Variants in BTC observed in about 807,000 individuals in gnomAD.
BTC encodes betacellulin, also known as probetacellulin.
In BTC, 13 loss-of-function variants were observed where a neutral mutation model predicts 18.1. The ratio of observed to expected loss-of-function variants is 0.72; its 90% CI spans 0.47 to 1.14. The LOEUF (loss-of-function observed/expected upper bound fraction) is 1.14. Ranked by LOEUF, BTC falls within the 50% of genes most tolerant of loss-of-function variation. The pLI is 0.00. For synonymous variants in BTC, 83 were observed against 79.4 expected, an observed-to-expected ratio of 1.05 and a Z score of -0.24; for missense variants, 247 against 224.2, an observed-to-expected ratio of 1.10 and a Z score of -0.65.
chr4:74,791,969 TCACACA>T lies in BTC; in HGVS notation c.64+2287_64+2292del, dbSNP rs3087019. On this transcript the variant is annotated intron_variant, in intron 1 of 5. Transcript: ENST00000395743. ...CCACTCTCATCGCATTTCCACCATC[TCACACA>T]CACACACACACACACACACACACAC... Among the ~76,000 whole-genome samples the T allele has an allele frequency of 2.6e-3, 345 of 134,244 alleles. 3 individuals carry two copies. Among genetic ancestry groups the T allele is most frequent in the African/African-American group, 8.7e-3 (301 of 34,684 alleles). 88.1% of individuals were successfully genotyped at this position (134,244 alleles called of 152,430 possible). A position where few individuals can be genotyped will look rare whatever the true frequency, so the allele number is the denominator to read the frequency against.
chr4:74,754,597 A>G (rs1724548277), intron 3 of BTC, among the ~76,000 whole-genome samples: 1 of 152,224 alleles, frequency 6.6e-6, no homozygotes, highest in Non-Finnish European at 1.5e-5. Context: ...ATAATAAATC[A>G]TGAAATGAAA....
At position 74,783,587 on chromosome 4, in the gene BTC, C is replaced by CTTTT. The variant is rs71220728; in HGVS notation, c.64+10671_64+10674dup. ...GGGAATGTGCTGGGGCTATTCGGCT[C>CTTTT]TTTTTTTTTTTTTTTTTTTTTGGTA... On this transcript the variant is annotated intron_variant, in intron 1 of 5. Transcript: ENST00000395743. Among the ~76,000 whole-genome samples the CTTTT allele has an allele frequency of 1.6e-3, 136 of 83,372 alleles. 2 individuals carry two copies. Among genetic ancestry groups the CTTTT allele is most frequent in the African/African-American group, 4.7e-3 (105 of 22,192 alleles). The allele number at this position is 83,372 out of a possible 152,430, so 54.7% of individuals were successfully genotyped here.
chr4:74,767,876 C>A (rs1471803275), intron 2 of BTC, among the ~76,000 whole-genome samples: 1 of 152,024 alleles, frequency 6.6e-6, no homozygotes, highest in East Asian at 1.9e-4. Context: ...ATACAAAAAT[C>A]AACTCAAAAT....
chr4:74,776,328 A>G (rs532178248), intron 1 of BTC, among the ~76,000 whole-genome samples: 2 of 152,222 alleles, frequency 1.3e-5, no homozygotes, highest in East Asian at 3.9e-4. Flanking sequence ...GGACCTGAAG[A>G]ATTTCTCAGG....
chr4:74,757,906 G>A (rs1419024896), intron 2 of BTC, among the ~76,000 whole-genome samples: 2 of 152,180 alleles, frequency 1.3e-5, no homozygotes, highest in African/African-American at 2.4e-5. Context: ...GTTGAGAGGT[G>A]CAGATACAAA....
chr4:74,748,201 A>T, intron 4 of BTC, 52 bp from the exon 5 acceptor site: 1 of 1,095,002 alleles, frequency 9.1e-7, no homozygotes, highest in Non-Finnish European at 1.3e-6. Flanking sequence ...TCATGCGAAC[A>T]CAAAATTATC....
intron 2 of BTC, among the ~76,000 whole-genome samples, chr4:74,767,702 T>C (rs1724936472): frequency 6.6e-6 from 1 of 152,046 alleles, no homozygotes; most frequent in Admixed American, 6.6e-5. Flanking sequence ...TAAAGACCAA[T>C]AGAACAGAAT....
intron 1 of BTC, among the ~76,000 whole-genome samples, chr4:74,781,588 G>T (rs908357701): frequency 6.6e-6 from 1 of 151,798 alleles, no homozygotes; most frequent in African/African-American, 2.4e-5. Context: ...CACCCCCATT[G>T]TTGGCTTCCT....
intron 1 of BTC, among the ~76,000 whole-genome samples, chr4:74,770,687 C>T (rs569797241): frequency 5.9e-5 from 9 of 152,036 alleles, no homozygotes; most frequent in Admixed American, 4.6e-4. Context: ...ACATGTTTTA[C>T]GAGGGAGAGA....
chr4:74,769,595 A>C (rs750917931), intron 2 of BTC, among the ~76,000 whole-genome samples: 3 of 152,326 alleles, frequency 2.0e-5, no homozygotes, highest in Non-Finnish European at 4.4e-5. Context: ...AAGCATCTCC[A>C]AGGTAAAATA....
At chr4:74,770,371 A>T (rs980830660) in intron 1 of BTC, among the ~76,000 whole-genome samples, 1 of 152,326 alleles carries the variant, frequency 6.6e-6, no homozygotes, top group East Asian at 1.9e-4. Context: ...ACCATCACTT[A>T]TATCTAACTA....
At chr4:74,792,751 T>C (rs183986086) in intron 1 of BTC, among the ~76,000 whole-genome samples, 5 of 152,326 alleles carry the variant, frequency 3.3e-5, no homozygotes, top group African/African-American at 1.2e-4. Context: ...CTCTCTACTA[T>C]TGCAAACTCT....
chr4:74,771,128 A>G (rs868364246), intron 1 of BTC, among the ~76,000 whole-genome samples: 1 of 152,160 alleles, frequency 6.6e-6, no homozygotes, highest in African/African-American at 2.4e-5. Context: ...TGGTTCGTAT[A>G]TGTTTAAACA....
intron 1 of BTC, among the ~76,000 whole-genome samples, chr4:74,788,792 A>G (rs1334470023): frequency 6.6e-6 from 1 of 152,244 alleles, no homozygotes; most frequent in Non-Finnish European, 1.5e-5. Context: ...TTCATGAACA[A>G]AACTCATACC....
chr4:74,772,702 C>T (rs1725075801), intron 1 of BTC, among the ~76,000 whole-genome samples: 2 of 151,744 alleles, frequency 1.3e-5, no homozygotes, highest in Non-Finnish European at 2.9e-5. Flanking sequence ...CATCTGCAAC[C>T]TGAGGATGGT....
chr4:74,751,848 AT>A (rs1438139533), intron 3 of BTC, among the ~76,000 whole-genome samples: 1 of 152,228 alleles, frequency 6.6e-6, no homozygotes, highest in Non-Finnish European at 1.5e-5. Flanking sequence ...GTAATCAAAA[AT>A]ATTAATAAAT....
intron 1 of BTC, among the ~76,000 whole-genome samples, chr4:74,775,210 G>A (rs1316449966): frequency 6.6e-6 from 1 of 152,034 alleles, no homozygotes; most frequent in African/African-American, 2.4e-5. Context: ...GTTCTATTTT[G>A]GGGAATCATG....
chr4:74,769,150 C>T (rs999691111), intron 2 of BTC, among the ~76,000 whole-genome samples: 6 of 152,142 alleles, frequency 3.9e-5, no homozygotes, highest in Non-Finnish European at 7.4e-5. Context: ...TCATCATACT[C>T]CCAGTTCATA....
At chr4:74,748,816 C>G (rs1724368455) in intron 4 of BTC, among the ~76,000 whole-genome samples, 1 of 152,106 alleles carries the variant, frequency 6.6e-6, no homozygotes, top group Non-Finnish European at 1.5e-5. Flanking sequence ...GATATATTAA[C>G]TGAGCTTCTA....
Sources: allele counts gnomAD v4.1 joint callset (sites outside exome capture counted in the v4.1 genomes callset), GRCh38; gene constraint gnomAD v4.1.1; transcripts MANE v1.5; gene names NCBI Gene and HGNC (gene_info 2026-07-23, HGNC 2026-07-21).